Variants in QTMAN observed in about 807,000 individuals in gnomAD.
QTMAN encodes queuosine-tRNA mannosyltransferase.
the QTMAN span, among the ~76,000 whole-genome samples, chr2:144,332,222 G>A: frequency 1.5e-4 from 23 of 151,928 alleles, no homozygotes; most frequent in African/African-American, 4.6e-4. Flanking sequence ...GCGGCGCAGG[G>A]AGCGCAGCGC....
chr2:144,075,986 C>T, the QTMAN span, among the ~76,000 whole-genome samples: 5 of 152,202 alleles, frequency 3.3e-5, no homozygotes, highest in African/African-American at 7.2e-5. Flanking sequence ...CAGTGGCTCA[C>T]GCCTGTAATC....
the QTMAN span, among the ~76,000 whole-genome samples, chr2:144,142,499 CAAG>C: frequency 4.0e-5 from 6 of 151,866 alleles, no homozygotes; most frequent in Non-Finnish European, 8.8e-5. Flanking sequence ...TCACTAACTT[CAAG>C]AAGACTAATT....
the QTMAN span, among the ~76,000 whole-genome samples, chr2:144,036,000 T>C: frequency 6.6e-6 from 1 of 152,216 alleles, no homozygotes; most frequent in Non-Finnish European, 1.5e-5. Context: ...CCAGAGCATG[T>C]AATTTCCTGG....
chr2:144,141,865 G>T, the QTMAN span: 1 of 1,566,782 alleles, frequency 6.4e-7, no homozygotes, highest in Non-Finnish European at 8.7e-7. Context: ...ATTGAGAACA[G>T]AGTCAAACAT....
chr2:143,964,781 C>T, the QTMAN span, among the ~76,000 whole-genome samples: 2 of 152,108 alleles, frequency 1.3e-5, no homozygotes, highest in Non-Finnish European at 2.9e-5. Context: ...TTTCCATATA[C>T]TGTTCTTAAC....
chr2:144,133,319 G>T, the QTMAN span, among the ~76,000 whole-genome samples: 79 of 20,512 alleles, frequency 3.9e-3, 1 homozygote, highest in Middle Eastern at 0.036. Flanking sequence ...AAATATATAT[G>T]TATATATACA....
At chr2:144,145,780 T>A in the QTMAN span, 1 of 1,524,970 alleles carries the variant, frequency 6.6e-7, no homozygotes, top group Non-Finnish European at 9.0e-7. Flanking sequence ...CCCAAGTATG[T>A]TTGAAGGGAT....
the QTMAN span, among the ~76,000 whole-genome samples, chr2:144,269,737 A>G: frequency 6.6e-6 from 1 of 152,112 alleles, no homozygotes; most frequent in Non-Finnish European, 1.5e-5. Context: ...AGGAAAGAAC[A>G]CTAAACTAGA....
chr2:144,222,786 C>T, the QTMAN span, among the ~76,000 whole-genome samples: 7 of 151,824 alleles, frequency 4.6e-5, no homozygotes, highest in Admixed American at 6.6e-5. Context: ...CCAGCCTAGG[C>T]GACAGAGCGA....
At chr2:144,133,252 TATAA>T in the QTMAN span, among the ~76,000 whole-genome samples, 1 of 62,790 alleles carries the variant, frequency 1.6e-5, no homozygotes, top group African/African-American at 9.2e-5. Flanking sequence ...TATAAATATA[TATAA>T]ATATATATAA....
chr2:144,314,686 C>G, the QTMAN span, among the ~76,000 whole-genome samples: 1 of 152,126 alleles, frequency 6.6e-6, no homozygotes, highest in African/African-American at 2.4e-5. Flanking sequence ...GCACTCCAGC[C>G]TGGGTGACAG....
the QTMAN span, chr2:144,145,832 G>C: frequency 1.0e-6 from 1 of 957,854 alleles, no homozygotes; most frequent in Non-Finnish European, 1.6e-6. Context: ...CCCACCCCAA[G>C]AAAAACACAT....
the QTMAN span, among the ~76,000 whole-genome samples, chr2:144,182,599 G>A: frequency 0.091 from 11,436 of 126,034 alleles, 1,071 homozygotes; most frequent in African/African-American, 0.25. Flanking sequence ...AGCCAAGATC[G>A]CACCATTGCA....
chr2:144,232,302 C>T, the QTMAN span, among the ~76,000 whole-genome samples: 1 of 151,290 alleles, frequency 6.6e-6, no homozygotes, highest in South Asian at 2.1e-4. Context: ...GCTGATACAC[C>T]TCTGTTTTAC....
chr2:144,245,393 G>A, the QTMAN span, among the ~76,000 whole-genome samples: 1 of 152,098 alleles, frequency 6.6e-6, no homozygotes, highest in Non-Finnish European at 1.5e-5. Context: ...GTCTCTGTTT[G>A]TAATGTTGAA....
At chr2:144,095,703 C>T in the QTMAN span, among the ~76,000 whole-genome samples, 2 of 152,152 alleles carry the variant, frequency 1.3e-5, no homozygotes, top group Non-Finnish European at 2.9e-5. Context: ...ATATATTTTC[C>T]TTTTAATTTC....
the QTMAN span, among the ~76,000 whole-genome samples, chr2:144,005,380 C>A: frequency 2.0e-5 from 3 of 152,104 alleles, no homozygotes; most frequent in East Asian, 5.8e-4. Context: ...CGGGAACCTG[C>A]GGATGATGCA....
chr2:143,959,825 T>C, the QTMAN span, among the ~76,000 whole-genome samples: 5 of 152,072 alleles, frequency 3.3e-5, no homozygotes, highest in Non-Finnish European at 7.4e-5. Flanking sequence ...ATCAGTAATA[T>C]TTCTATAATG....
the QTMAN span, among the ~76,000 whole-genome samples, chr2:144,131,422 C>T: frequency 2.0e-5 from 3 of 151,810 alleles, no homozygotes; most frequent in African/African-American, 4.8e-5. Flanking sequence ...TCCAGTTCAT[C>T]TCCAATAACC....
Sources: allele counts gnomAD v4.1 joint callset (sites outside exome capture counted in the v4.1 genomes callset), GRCh38; gene constraint gnomAD v4.1.1; transcripts MANE v1.5; gene names NCBI Gene and HGNC (gene_info 2026-07-23, HGNC 2026-07-21).